The following CEP70 variants were observed in gnomAD, a reference collection of about 807,000 sequenced individuals.
CEP70 encodes the protein centrosomal protein 70, also known as centrosomal protein of 70 kDa.
A neutral mutation model predicts 90.9 loss-of-function variants in CEP70; 70 were observed. That is an observed-to-expected ratio of 0.77 (90% CI 0.64 to 0.94). The LOEUF is 0.94. Ranked by LOEUF, CEP70 falls within the 40% of genes least tolerant of loss-of-function variation. The pLI, the probability that CEP70 is intolerant of heterozygous loss-of-function variation, is 0.00. For missense variants in CEP70, 648 were observed against 669.0 expected (o/e 0.97, Z 0.35); for synonymous variants, 220 against 228.3 (o/e 0.96, Z 0.33).
intron 2 of CEP70, among the ~76,000 whole-genome samples, chr3:138,588,118 C>T (rs2042197583): frequency 6.6e-6 from 1 of 151,608 alleles, no homozygotes; most frequent in Non-Finnish European, 1.5e-5. Context: ...AAATGAATGA[C>T]ATAAATCTAA....
chr3:138,571,133 G>C lies in CEP70; in HGVS notation c.185C>G (p.Ser62Ter). The change falls in exon 5 of 18, where the codon TCA (serine) becomes TGA (stop). Residue 62 changes from serine (S) to a stop codon, truncating the protein, a stop_gained. Coordinates refer to ENST00000264982, the MANE Select transcript of CEP70 (RefSeq NM_024491.4). LOFTEE classifies it high-confidence loss of function. ...LKDLIIFDKQ[S>*]SQRMRQNLKL... ...CAAATTCTGTCTCATCCTTTGTGATGACTGTTTGTCAAAAATGATGAGATC... is the reference window on the plus strand; with the variant it reads ...CAAATTCTGTCTCATCCTTTGTGATCACTGTTTGTCAAAAATGATGAGATC... 1 of 1,595,946 alleles carries C rather than the reference G, an allele frequency of 6.3e-7. No individual in the cohort carries two copies. The highest frequency in any genetic ancestry group is 8.6e-7 in the Non-Finnish European group (1 of 1,167,990).
At chr3:138,545,486 C>T (rs2107891761) in intron 6 of CEP70, among the ~76,000 whole-genome samples, 1 of 152,226 alleles carries the variant, frequency 6.6e-6, no homozygotes, top group African/African-American at 2.4e-5. Flanking sequence ...GATTGTAAAA[C>T]ATGTGTGTTT....
At chr3:138,574,198 C>T (rs926079245) in intron 2 of CEP70, among the ~76,000 whole-genome samples, 3 of 152,170 alleles carry the variant, frequency 2.0e-5, no homozygotes, top group Admixed American at 6.5e-5. Context: ...CAAAGGAAGC[C>T]GTGACAGACT....
chr3:138,559,642 T>C (rs913286452), intron 6 of CEP70, among the ~76,000 whole-genome samples: 2 of 152,172 alleles, frequency 1.3e-5, no homozygotes, highest in Non-Finnish European at 2.9e-5. Flanking sequence ...GGAGGATCAC[T>C]TGATCCCAGG....
At chr3:138,586,865 T>G (rs1188814402) in intron 2 of CEP70, among the ~76,000 whole-genome samples, 1 of 152,172 alleles carries the variant, frequency 6.6e-6, no homozygotes, top group Non-Finnish European at 1.5e-5. Flanking sequence ...GGATAAATGC[T>G]TAAGATGGTG....
At chr3:138,523,720 A>G (rs2036920124) in intron 11 of CEP70, among the ~76,000 whole-genome samples, 2 of 152,300 alleles carry the variant, frequency 1.3e-5, no homozygotes, top group Non-Finnish European at 2.9e-5. Flanking sequence ...CAATGAAATA[A>G]AAGAGGATAC....
At chr3:138,512,970 T>G (rs1252462163) in intron 11 of CEP70, among the ~76,000 whole-genome samples, 3 of 152,226 alleles carry the variant, frequency 2.0e-5, no homozygotes, top group Non-Finnish European at 4.4e-5. Context: ...TAGGACTTTC[T>G]AAGATAGTTA....
At chr3:138,505,855 C>T (rs933634779) in intron 12 of CEP70, among the ~76,000 whole-genome samples, 20 of 152,236 alleles carry the variant, frequency 1.3e-4, no homozygotes, top group African/African-American at 4.3e-4. Context: ...GGATGAGGCC[C>T]ACCCCATTAG....
intron 10 of CEP70, among the ~76,000 whole-genome samples, chr3:138,528,837 C>T (rs1398270425): frequency 6.6e-6 from 1 of 152,058 alleles, no homozygotes; most frequent in Non-Finnish European, 1.5e-5. Context: ...ACTAAAAATA[C>T]ACAAAATAGC....
At chr3:138,576,765 G>A (rs1428234838) in intron 2 of CEP70, among the ~76,000 whole-genome samples, 1 of 152,218 alleles carries the variant, frequency 6.6e-6, no homozygotes, top group Non-Finnish European at 1.5e-5. Context: ...TCAGACCACA[G>A]TGCAGTCAAA....
In CEP70 at chr3:138,529,250, A is replaced by G. The variant is rs777148132; in HGVS notation, c.818T>C (p.Ile273Thr). Residue 273 changes from isoleucine to threonine, a missense_variant, in exon 10 of 18, where the codon ATT becomes ACT. Physicochemically the swap from Ile to Thr is moderately conservative, Grantham distance 89 (BLOSUM62 -1). Coordinates refer to ENST00000264982, the MANE Select transcript of CEP70 (RefSeq NM_024491.4). ...QNQLKESKSK[I>T]DALSSEKLNL... ...CAGCTTTTCACTTGAAAGTGCATCA[A>G]TCTTAGATTTTGATTCCTTGAGTTG... 5.0e-6 allele frequency: 8 copies of G among 1,610,278 alleles called. No homozygotes were observed. The highest frequency in any genetic ancestry group is 4.0e-5 in the African/African-American group (3 of 74,806).
intron 6 of CEP70, among the ~76,000 whole-genome samples, chr3:138,561,921 G>A (rs1392881473): frequency 6.6e-6 from 1 of 151,640 alleles, no homozygotes; most frequent in Non-Finnish European, 1.5e-5. Flanking sequence ...CTATTGGGAG[G>A]CTGAGGCAGG....
intron 2 of CEP70, among the ~76,000 whole-genome samples, chr3:138,582,289 T>C (rs576111366): frequency 6.6e-6 from 1 of 151,994 alleles, no homozygotes; most frequent in African/African-American, 2.4e-5. Flanking sequence ...CTGGCCAAGA[T>C]GGTGAAACCC....
rs1284495344 is a variant in CEP70 at position 138,504,601 on chromosome 3, TAAATC to T, written c.1221+689_1221+693del. ...TGCTATGTATTATATTAGTTACTAATAAATCTAAAGTGTAAAGGGCAAAGAAGTTA... is the reference window on the plus strand; with the variant it reads ...TGCTATGTATTATATTAGTTACTAATTAAAGTGTAAAGGGCAAAGAAGTTA... On this transcript the variant is annotated intron_variant, in intron 13 of 17. Transcript: ENST00000264982. Among the ~76,000 whole-genome samples, 4 of 152,322 alleles carry T rather than the reference TAAATC, an allele frequency of 2.6e-5. No individual in the cohort carries two copies. In the East Asian group the frequency reaches 7.7e-4, roughly 29 times the overall value.
At chr3:138,500,013 C>T (rs1576508451) in intron 16 of CEP70, 97 bp downstream of exon 16, 4 of 799,088 alleles carry the variant, frequency 5.0e-6, no homozygotes, top group Non-Finnish European at 6.6e-6. Context: ...TTCAAGTGAT[C>T]CTCCCACATC....
chr3:138,553,433 T>C (rs1372677929), intron 6 of CEP70, among the ~76,000 whole-genome samples: 2 of 151,728 alleles, frequency 1.3e-5, no homozygotes, highest in African/African-American at 4.8e-5. Context: ...TGAGCTGAGA[T>C]TGGGCCACTG....
chr3:138,561,797 G>A (rs967412508), intron 6 of CEP70, among the ~76,000 whole-genome samples: 8 of 151,926 alleles, frequency 5.3e-5, no homozygotes, highest in African/African-American at 1.5e-4. Context: ...AGTTCAAGGC[G>A]GGTGGATCAC....
chr3:138,575,715 C>T (rs1474390261), intron 2 of CEP70, among the ~76,000 whole-genome samples: 2 of 152,176 alleles, frequency 1.3e-5, no homozygotes, highest in Non-Finnish European at 1.5e-5. Flanking sequence ...GCTCGGGTTA[C>T]CCACAAAGGG....
chr3:138,583,663 A>G (rs371747186), intron 2 of CEP70, among the ~76,000 whole-genome samples: 2 of 151,326 alleles, frequency 1.3e-5, no homozygotes, highest in East Asian at 4.0e-4. Flanking sequence ...AATTTTGGAA[A>G]CTATTCAAAC....
Sources: gnomAD v4.1 joint callset for allele counts (sites outside exome capture counted in the v4.1 genomes callset) on GRCh38, gnomAD v4.1.1 for gene constraint, MANE v1.5 for transcripts, NCBI Gene and HGNC (gene_info 2026-07-23, HGNC 2026-07-21) for gene names.